Variants in SEC22C observed in about 807,000 individuals in gnomAD.
SEC22C encodes the protein SEC22 homolog C, vesicle trafficking protein.
SEC22C carries 29 observed loss-of-function variants against 34.7 expected under a neutral mutation model. That is an observed-to-expected ratio of 0.84 (90% CI 0.62 to 1.14). The LOEUF is 1.14. Ranked by LOEUF, SEC22C falls within the 50% of genes most tolerant of loss-of-function variation. The pLI is 0.00. For missense variants in SEC22C, 337 were observed against 369.0 expected, an observed-to-expected ratio of 0.91 and a Z score of 0.71; for synonymous variants, 117 against 132.8, an observed-to-expected ratio of 0.88 and a Z score of 0.82.
intron 5 of SEC22C, among the ~76,000 whole-genome samples, chr3:42,557,033 T>C (rs1338749100): frequency 6.6e-6 from 1 of 152,230 alleles, no homozygotes; most frequent in African/African-American, 2.4e-5. Flanking sequence ...CGATACCTTC[T>C]TGAAATACTT....
chr3:42,577,476 CAA>C (rs1704041592), intron 1 of SEC22C, among the ~76,000 whole-genome samples: 1 of 151,988 alleles, frequency 6.6e-6, no homozygotes, highest in Non-Finnish European at 1.5e-5. Flanking sequence ...AGACATTTCA[CAA>C]AGAGGATATA....
Position 42,552,379 on chromosome 3 carries a change from C to A in SEC22C, c.*869G>T. On this transcript the variant is annotated 3_prime_UTR_variant, in exon 7 of 7. Transcript: ENST00000264454. The stretch of plus-strand genomic sequence containing the variant: ...GCTGATGACAGCAGCCCCTCCCAAG[C>A]GGATCTGTAAAGTGCCACTGAATCC... 1.0e-6 allele frequency: 1 copy of A among 985,386 alleles called. No homozygotes were observed. Among genetic ancestry groups the A allele is most frequent in the South Asian group, 4.7e-5 (1 of 21,288 alleles). The allele number at this position is 985,386 out of a possible 1,614,324, so 61.0% of individuals were successfully genotyped here. A position where few individuals can be genotyped will look rare whatever the true frequency, so the allele number is the denominator to read the frequency against.
At chr3:42,560,116 CTCTCTA>C (rs1387501484) in intron 4 of SEC22C, among the ~76,000 whole-genome samples, 1,308 of 116,466 alleles carry the variant, frequency 0.011, 22 homozygotes, top group African/African-American at 0.047. Context: ...CTCTCTCTCT[CTCTCTA>C]TATATATATA....
chr3:42,555,871 C>A, intron 6 of SEC22C, 59 bp downstream of exon 6: 1 of 1,348,998 alleles, frequency 7.4e-7, no homozygotes, highest in Non-Finnish European at 1.1e-6. Context: ...GATAGATGAA[C>A]AGAAGAACAA....
At chr3:42,586,136 T>G (rs1220225275), upstream of SEC22C, among the ~76,000 whole-genome samples, 1 of 152,214 alleles carries the variant, frequency 6.6e-6, no homozygotes, top group East Asian at 1.9e-4. Flanking sequence ...TCACCTTTCA[T>G]TATTTCTCAG....
chr3:42,568,319 C>T (rs1703383741), intron 2 of SEC22C, among the ~76,000 whole-genome samples: 1 of 151,858 alleles, frequency 6.6e-6, no homozygotes, highest in Admixed American at 6.6e-5. Flanking sequence ...TCTCCCAATG[C>T]TCATGGGCAC....
rs929579626 is a variant in SEC22C, at chr3:42,600,658, G to A, written c.-28+302C>T. On this transcript the variant is annotated intron_variant, in intron 1 of 6. Transcript: ENST00000417572. ...CCCGACTCTCGCGGGGTTTAGCGTG[G>A]CATTGGGAGGCCCGGCCTGGGGGAG... 6.9e-5 allele frequency: 13 copies of A among 187,700 alleles called. No homozygotes were observed. In the East Asian group the frequency reaches 1.8e-3, roughly 25 times the overall value. 11.6% of individuals were successfully genotyped at this position (187,700 alleles called of 1,614,324 possible). A position where few individuals can be genotyped will look rare whatever the true frequency, so the allele number is the denominator to read the frequency against.
At position 42,552,379 on chromosome 3, in the gene SEC22C, C is replaced by T. The variant is rs1270248730; in HGVS notation, c.*869G>A. 5.1e-6 allele frequency: 5 copies of T among 985,268 alleles called. No individual in the cohort carries two copies. The highest frequency in any genetic ancestry group is 6.0e-6 in the Non-Finnish European group (5 of 829,934). The allele number at this position is 985,268 out of a possible 1,614,324, so 61.0% of individuals were successfully genotyped here. ...GCTGATGACAGCAGCCCCTCCCAAG[C>T]GGATCTGTAAAGTGCCACTGAATCC... On this transcript the variant is annotated 3_prime_UTR_variant, in exon 7 of 7. Coordinates refer to ENST00000264454, the MANE Select transcript of SEC22C (RefSeq NM_032970.4).
At chr3:42,576,028 G>A (rs576671839) in intron 1 of SEC22C, among the ~76,000 whole-genome samples, 1 of 152,020 alleles carries the variant, frequency 6.6e-6, no homozygotes, top group South Asian at 2.1e-4. Flanking sequence ...TGACCACAGT[G>A]TAATCAAATT....
Position 42,549,434 on chromosome 3 carries a change from T to A in SEC22C, c.*3814A>T. ...CCCCCATATGCCAAGGGGCAGCTGC[T>A]ATCTTCCAGCAGAGAGAGAACCCCC... On this transcript the variant is annotated 3_prime_UTR_variant, in exon 7 of 7. Transcript: ENST00000264454. 1.0e-6 allele frequency: 1 copy of A among 985,648 alleles called. No individual in the cohort carries two copies. Among genetic ancestry groups the A allele is most frequent in the Non-Finnish European group, 1.2e-6 (1 of 830,066 alleles). The allele number at this position is 985,648 out of a possible 1,614,324, so 61.1% of individuals were successfully genotyped here.
intron 1 of SEC22C, chr3:42,590,710 C>T (rs977718867): frequency 1.5e-6 from 1 of 660,760 alleles, no homozygotes; most frequent in Non-Finnish European, 2.7e-6. Context: ...GATACGAAAA[C>T]GCCCCCGGCG....
chr3:42,595,996 TTTC>T (rs1180291314), intron 1 of SEC22C, among the ~76,000 whole-genome samples: 2 of 152,156 alleles, frequency 1.3e-5, no homozygotes, highest in East Asian at 1.9e-4. Flanking sequence ...CTTTTTTCTT[TTTC>T]TTCTTTTTTT....
At chr3:42,572,597 G>A (rs1703714086) in intron 1 of SEC22C, among the ~76,000 whole-genome samples, 1 of 152,162 alleles carries the variant, frequency 6.6e-6, no homozygotes, top group South Asian at 2.1e-4. Flanking sequence ...CAGAGGCCAC[G>A]TAGGGAACCT....
chr3:42,583,004 G>A (rs1466012602), upstream of SEC22C, among the ~76,000 whole-genome samples: 1 of 152,198 alleles, frequency 6.6e-6, no homozygotes, highest in South Asian at 2.1e-4. Context: ...CTTAAAAATG[G>A]TTATGTACAT....
At chr3:42,570,355 C>T (rs937019269) in intron 1 of SEC22C, among the ~76,000 whole-genome samples, 2 of 152,176 alleles carry the variant, frequency 1.3e-5, no homozygotes, top group African/African-American at 4.8e-5. Context: ...AGGAAACCTA[C>T]CTCTTTGTTC....
intron 1 of SEC22C, among the ~76,000 whole-genome samples, chr3:42,578,066 T>A (rs1704076857): frequency 6.6e-6 from 1 of 152,168 alleles, no homozygotes; most frequent in Non-Finnish European, 1.5e-5. Flanking sequence ...CTGACATTTA[T>A]CCCAGAGAAA....
At chr3:42,557,114 A>T (rs1461851721) in intron 5 of SEC22C, among the ~76,000 whole-genome samples, 2 of 152,266 alleles carry the variant, frequency 1.3e-5, no homozygotes, top group Admixed American at 1.3e-4. Context: ...TGAAATGAGC[A>T]GACCAGTGAA....
Position 42,550,738 on chromosome 3 carries a change from C to A in SEC22C, c.*2510G>T, listed in dbSNP as rs760894151. 536 of 985,224 alleles carry A rather than the reference C, an allele frequency of 5.4e-4. No homozygotes were observed. The highest frequency in any genetic ancestry group is 6.3e-4 in the Non-Finnish European group (520 of 829,936). The allele number at this position is 985,224 out of a possible 1,614,324, so 61.0% of individuals were successfully genotyped here. On this transcript the variant is annotated 3_prime_UTR_variant, in exon 7 of 7. Transcript: ENST00000264454. ...CCAGGAAGGACTCATCTTCAAGGAC[C>A]GTTTCTTTACTGCCTGCTGAATATG...
chr3:42,594,298 A>G, intron 1 of SEC22C: 1 of 690,660 alleles, frequency 1.4e-6, no homozygotes, highest in Non-Finnish European at 2.6e-6. Context: ...AAGAAGGTTG[A>G]TAACACTGAA....
Sources: gnomAD v4.1 joint callset for allele counts (sites outside exome capture counted in the v4.1 genomes callset) on GRCh38, gnomAD v4.1.1 for gene constraint, MANE v1.5 for transcripts, NCBI Gene and HGNC (gene_info 2026-07-23, HGNC 2026-07-21) for gene names.